The following TSBP1 variants were observed in gnomAD, a reference collection of about 807,000 sequenced individuals.
The protein encoded by TSBP1 is testis expressed basic protein 1.
A neutral mutation model predicts 68.8 loss-of-function variants in TSBP1; 56 were observed. The observed-to-expected ratio is 0.81, with a 90% CI of 0.66 to 1.02. The LOEUF (loss-of-function observed/expected upper bound fraction) is 1.02. Ranked by LOEUF, TSBP1 falls within the 50% of genes least tolerant of loss-of-function variation. The pLI is 0.00. For missense variants in TSBP1, 502 were observed against 641.2 expected (o/e 0.78, Z 2.34); for synonymous variants, 171 against 208.7 (o/e 0.82, Z 1.56).
At position 32,326,287 on chromosome 6, in the gene TSBP1, T is replaced by A. The variant is rs911291784; in HGVS notation, c.515-2673A>T. The A allele has an allele frequency of 4.6e-4, 332 of 724,812 alleles. 1 individual carries two copies. Among genetic ancestry groups the A allele is most frequent in the Admixed American group, 8.8e-4 (43 of 48,984 alleles). 44.9% of individuals were successfully genotyped at this position (724,812 alleles called of 1,614,324 possible). ...AAGCACAGTGGTGGCAGGGCCTAGC[T>A]GGTACAAAGAAGACATGTTTTAGAC... On this transcript the variant is annotated intron_variant, in intron 16 of 22. Transcript: ENST00000612031.
At chr6:32,349,713 G>C in intron 9 of TSBP1, 27 bp downstream of exon 9, 1 of 1,385,858 alleles carries the variant, frequency 7.2e-7, no homozygotes, top group Non-Finnish European at 1.0e-6. Context: ...AATGTCAGCA[G>C]AATTGAAGAA....
chr6:32,331,558 C>CG lies in TSBP1; in HGVS notation c.493+475_493+476insC, dbSNP rs141740469. ...GAAACATTCTGCCTAACCACCTGAA[C>CG]ACAAGGTGGACAAAGGGCCAACTAA... On this transcript the variant is annotated intron_variant, in intron 15 of 22. Coordinates refer to ENST00000612031, the Ensembl canonical transcript of TSBP1. 3.3e-3 allele frequency among the ~76,000 whole-genome samples: 495 copies of CG among 152,286 alleles called. 15 individuals are homozygous for CG. The East Asian group carries it at 0.069, about 21-fold the overall frequency.
chr6:32,300,549 GGAAATCACTTATTGAA>G (rs1433770190), intron 21 of TSBP1, 115 bp downstream of exon 24: 1 of 764,710 alleles, frequency 1.3e-6, no homozygotes, highest in Non-Finnish European at 2.3e-6. Flanking sequence ...TGAAATATGA[GGAAATCACTTATTGAA>G]GAAATATTGA....
intron 3 of TSBP1, among the ~76,000 whole-genome samples, chr6:32,368,522 A>G (rs115518187): frequency 0.015 from 2,271 of 152,290 alleles, 36 homozygotes; most frequent in Non-Finnish European, 0.024. Context: ...CTCAGACCAC[A>G]GGAAGCATCT....
Position 32,310,761 on chromosome 6 carries a change from A to ATATATATTTTTTTTTTTTT in TSBP1, c.580+5010_580+5011insAAAAAAAAAAAAATATATA. ...TATATATACATATATATATATATAT[A>ATATATATTTTTTTTTTTTT]TTTTTAATCTTTTTAGAAAGGATAG... On this transcript the variant is annotated intron_variant, in intron 19 of 22. Coordinates refer to ENST00000612031, the Ensembl canonical transcript of TSBP1. Among the ~76,000 whole-genome samples, 9 of 144,834 alleles carry ATATATATTTTTTTTTTTTT rather than the reference A, an allele frequency of 6.2e-5. No homozygotes were observed. In the South Asian group the frequency reaches 8.8e-4, roughly 14 times the overall value.
intron 9 of TSBP1, 176 bp downstream of exon 9, chr6:32,349,564 T>TCA: frequency 1.7e-6 from 1 of 575,028 alleles, no homozygotes; most frequent in East Asian, 2.9e-5. Flanking sequence ...GAAACTTGCA[T>TCA]TTACTTTTGA....
chr6:32,345,875 A>ACC, intron 9 of TSBP1, among the ~76,000 whole-genome samples: 1 of 152,234 alleles, frequency 6.6e-6, no homozygotes, highest in South Asian at 2.1e-4. Context: ...ATTCTGTAGG[A>ACC]GCACACGTCA....
chr6:32,362,478 C>A (rs1449366421), intron 6 of TSBP1, among the ~76,000 whole-genome samples: 1 of 152,158 alleles, frequency 6.6e-6, no homozygotes, highest in African/African-American at 2.4e-5. Flanking sequence ...TAATACATTT[C>A]TTTTCTTTAT....
intron 16 of TSBP1, among the ~76,000 whole-genome samples, chr6:32,327,798 G>GT (rs377295118): frequency 0.37 from 53,129 of 142,234 alleles, 10,843 homozygotes; most frequent in Middle Eastern, 0.57. Flanking sequence ...ATTTTTGTAG[G>GT]TTTTTTTTTT....
chr6:32,349,971 A>G (rs747173978), intron 8 of TSBP1: 4 of 756,422 alleles, frequency 5.3e-6, no homozygotes, highest in Non-Finnish European at 9.7e-6. Context: ...GGACTACAAG[A>G]TCTATGCAAC....
At chr6:32,369,436 T>G (rs553818159) in intron 2 of TSBP1, among the ~76,000 whole-genome samples, 2 of 149,170 alleles carry the variant, frequency 1.3e-5, no homozygotes, top group East Asian at 2.0e-4. Context: ...AATGGCGTGA[T>G]CTCGGCTCAC....
chr6:32,330,673 C>A, intron 15 of TSBP1, 64 bp from the exon 17 acceptor site: 1 of 1,464,692 alleles, frequency 6.8e-7, no homozygotes. Flanking sequence ...CACACACACA[C>A]ACTTCTATTT....
exon 23 of TSBP1, chr6:32,293,143 A>G (rs1764324514): frequency 1.3e-6 from 2 of 1,585,326 alleles, no homozygotes; most frequent in Admixed American, 3.4e-5. Context: ...TTTTATTTGG[A>G]TCTTTCTCTG....
At chr6:32,352,197 A>G (rs1452924680) in intron 8 of TSBP1, among the ~76,000 whole-genome samples, 2 of 152,044 alleles carry the variant, frequency 1.3e-5, no homozygotes, top group South Asian at 2.1e-4. Flanking sequence ...ATGCTGAAAT[A>G]TTGTTGTAAG....
rs1295368845 is a variant in TSBP1, at chr6:32,363,978, T to A, written c.217+2189A>T. On this transcript the variant is annotated intron_variant, in intron 6 of 22. Coordinates refer to ENST00000612031, the Ensembl canonical transcript of TSBP1. ...TTGTCTGATAAAGACTATCTCTTTC[T>A]CAGATCTGAAAAACAGCTTTACGGG... Among the ~76,000 whole-genome samples, 18 of 152,300 alleles carry A rather than the reference T, an allele frequency of 1.2e-4. No homozygotes were observed. In the East Asian group the frequency reaches 3.5e-3, roughly 29 times the overall value.
intron 17 of TSBP1, 118 bp from the exon 19 acceptor site, chr6:32,323,255 C>T (rs1767841787): frequency 1.4e-6 from 1 of 698,780 alleles, no homozygotes; most frequent in Non-Finnish European, 2.6e-6. Flanking sequence ...AATTATGATT[C>T]TATGACTATG....
intron 16 of TSBP1, chr6:32,324,741 T>G: frequency 6.5e-7 from 1 of 1,548,212 alleles, no homozygotes; most frequent in Non-Finnish European, 8.7e-7. Context: ...TACTCATTTT[T>G]TTTTCTATTG....
In TSBP1 at chr6:32,325,913, G is replaced by T; in HGVS notation, c.515-2299C>A. On this transcript the variant is annotated intron_variant, in intron 16 of 22. Transcript: ENST00000612031. This position sits in a 1 kb window ranked among gnomAD's most constrained non-coding sequence, Gnocchi z 4.4. ...TGTGGTGGCTTTGGTGGCAGCTGTGGTGGTGGTGGATATGGTGGCAGTGAG... is the reference window on the plus strand; with the variant it reads ...TGTGGTGGCTTTGGTGGCAGCTGTGTTGGTGGTGGATATGGTGGCAGTGAG... 6.4e-7 allele frequency: 1 copy of T among 1,553,926 alleles called. No homozygotes were observed. The highest frequency in any genetic ancestry group is 8.8e-7 in the Non-Finnish European group (1 of 1,140,248).
chr6:32,327,285 C>CGTT (rs1768332036), intron 16 of TSBP1, among the ~76,000 whole-genome samples: 7 of 152,180 alleles, frequency 4.6e-5, no homozygotes, highest in African/African-American at 1.7e-4. Flanking sequence ...GGAACTTAAC[C>CGTT]AGTCATTTCT....
Sources: allele counts gnomAD v4.1 joint callset (sites outside exome capture counted in the v4.1 genomes callset), GRCh38; gene constraint gnomAD v4.1.1; non-coding constraint Gnocchi (gnomAD v3.1); transcripts MANE v1.5; gene names NCBI Gene and HGNC (gene_info 2026-07-23, HGNC 2026-07-21).